Variants in CADM2 observed in about 807,000 individuals in gnomAD.
CADM2 encodes immunoglobulin superfamily member 4D.
Under a neutral mutation model 49.8 loss-of-function variants are expected in CADM2, and 12 were observed. The ratio of observed to expected loss-of-function variants is 0.24; its 90% CI spans 0.15 to 0.39. The LOEUF is 0.39. Ranked by LOEUF, CADM2 falls within the 10% of genes least tolerant of loss-of-function variation. The pLI, the probability that CADM2 is intolerant of heterozygous loss-of-function variation, is 1.00. For missense variants in CADM2, 378 were observed against 492.3 expected, an observed-to-expected ratio of 0.77 and a Z score of 2.20; for synonymous variants, 214 against 175.4, an observed-to-expected ratio of 1.22 and a Z score of -1.74.
chr3:85,058,454 A>C (rs565309428), intron 1 of CADM2, among the ~76,000 whole-genome samples: 51 of 149,740 alleles, frequency 3.4e-4, no homozygotes, highest in East Asian at 2.4e-3. Flanking sequence ...TTCTTTTTTT[A>C]TTTTTTTGAG....
intron 1 of CADM2, among the ~76,000 whole-genome samples, chr3:85,515,636 T>A (rs1289783592): frequency 2.0e-4 from 29 of 143,208 alleles, no homozygotes; most frequent in African/African-American, 6.1e-4. Flanking sequence ...TATATATTTT[T>A]TTTTTTTGTA....
At chr3:85,423,740 C>A (rs144645133) in intron 1 of CADM2, among the ~76,000 whole-genome samples, 1 of 152,116 alleles carries the variant, frequency 6.6e-6, no homozygotes, top group Non-Finnish European at 1.5e-5. Flanking sequence ...ACAGCATGCA[C>A]GTCTCATTGC....
At chr3:85,861,829 C>A (rs1183297658) in intron 3 of CADM2, among the ~76,000 whole-genome samples, 3 of 151,510 alleles carry the variant, frequency 2.0e-5, no homozygotes, top group Admixed American at 6.6e-5. Flanking sequence ...ATTTATATTT[C>A]TTTTAATAAG....
At chr3:85,884,607 G>A (rs1045866199) in intron 4 of CADM2, among the ~76,000 whole-genome samples, 19 of 152,018 alleles carry the variant, frequency 1.2e-4, no homozygotes, top group Non-Finnish European at 1.9e-4. Context: ...AAGAAAGCAG[G>A]TAGTATGTAG....
At chr3:85,829,656 G>C (rs11920214) in intron 3 of CADM2, among the ~76,000 whole-genome samples, 1 of 151,788 alleles carries the variant, frequency 6.6e-6, no homozygotes, top group African/African-American at 2.4e-5. Flanking sequence ...TCTATTCTTT[G>C]ACTGACATTT....
intron 1 of CADM2, among the ~76,000 whole-genome samples, chr3:85,311,920 T>C (rs78556415): frequency 0.023 from 3,516 of 152,292 alleles, 148 homozygotes; most frequent in African/African-American, 0.079. Flanking sequence ...GTTTCACAAA[T>C]GTGACTATGT....
chr3:85,236,938 C>T (rs1466435317), intron 1 of CADM2, among the ~76,000 whole-genome samples: 2 of 152,040 alleles, frequency 1.3e-5, no homozygotes, highest in Admixed American at 1.3e-4. Flanking sequence ...ACTCTGTGCA[C>T]CTCCAGATAC....
At chr3:85,372,891 A>G (rs974016885) in intron 1 of CADM2, among the ~76,000 whole-genome samples, 5 of 152,094 alleles carry the variant, frequency 3.3e-5, no homozygotes, top group African/African-American at 1.2e-4. Context: ...TGAGAACAGC[A>G]TGGGAGAAAC....
chr3:85,143,844 C>T (rs9859421), intron 1 of CADM2, among the ~76,000 whole-genome samples: 14 of 152,100 alleles, frequency 9.2e-5, no homozygotes, highest in African/African-American at 3.1e-4. Context: ...CATAGCATGC[C>T]GTTCCATGGC....
chr3:85,381,087 T>G (rs2107354176), intron 1 of CADM2, among the ~76,000 whole-genome samples: 1 of 152,184 alleles, frequency 6.6e-6, no homozygotes, highest in East Asian at 1.9e-4. Flanking sequence ...CCCATGTATT[T>G]TATCCGATAT....
chr3:85,819,595 A>G (rs1250943067), intron 3 of CADM2, among the ~76,000 whole-genome samples: 1 of 152,180 alleles, frequency 6.6e-6, no homozygotes, highest in African/African-American at 2.4e-5. Context: ...CATTTATGGT[A>G]GAGAAGGTGT....
intron 1 of CADM2, among the ~76,000 whole-genome samples, chr3:85,661,942 T>A (rs2065421399): frequency 6.6e-6 from 1 of 152,108 alleles, no homozygotes; most frequent in South Asian, 2.1e-4. Flanking sequence ...TGCCATTGTA[T>A]GTTATTATTC....
chr3:85,462,393 G>T (rs1390317622), intron 1 of CADM2, among the ~76,000 whole-genome samples: 1 of 152,104 alleles, frequency 6.6e-6, no homozygotes, highest in African/African-American at 2.4e-5. Context: ...ATTTCTTGAG[G>T]TACATTATGA....
intron 1 of CADM2, among the ~76,000 whole-genome samples, chr3:85,433,021 G>T (rs993042801): frequency 6.6e-6 from 1 of 151,808 alleles, no homozygotes; most frequent in Non-Finnish European, 1.5e-5. Flanking sequence ...AAATATTTGT[G>T]GTACATTTCA....
rs369574689 is a variant in CADM2, at chr3:85,319,260, C to T, written c.61+359592C>T. 4.0e-4 allele frequency among the ~76,000 whole-genome samples: 61 copies of T among 152,208 alleles called. 1 individual carries two copies. Among genetic ancestry groups the T allele is most frequent in the East Asian group, 3.5e-3 (18 of 5,172 alleles). On this transcript the variant is annotated intron_variant, in intron 1 of 9. Coordinates refer to ENST00000383699, the MANE Select transcript of CADM2 (RefSeq NM_001167675.2). Reference sequence around the variant, plus strand: ...GTCACAATGAAATACCATCTCAACACCAGTCCGAATGGCTATTAAAAAGTC... The same window carrying T: ...GTCACAATGAAATACCATCTCAACATCAGTCCGAATGGCTATTAAAAAGTC...
intron 1 of CADM2, among the ~76,000 whole-genome samples, chr3:85,362,709 G>T (rs892142836): frequency 2.0e-5 from 3 of 152,174 alleles, no homozygotes; most frequent in African/African-American, 7.2e-5. Flanking sequence ...CAAATAGGTA[G>T]ATTGGAACTT....
intron 1 of CADM2, among the ~76,000 whole-genome samples, chr3:85,468,537 A>T (rs1346139656): frequency 6.6e-6 from 1 of 152,106 alleles, no homozygotes; most frequent in Non-Finnish European, 1.5e-5. Flanking sequence ...ATTTATTTCA[A>T]TGTTTAATGT....
At chr3:84,966,887 T>A (rs532157530) in intron 1 of CADM2, among the ~76,000 whole-genome samples, 8 of 152,046 alleles carry the variant, frequency 5.3e-5, no homozygotes, top group Non-Finnish European at 1.2e-4. Context: ...TAAATACTGA[T>A]GTCATTAGGC....
Position 85,158,206 on chromosome 3 carries a change from G to A in CADM2, c.61+198538G>A, listed in dbSNP as rs969089568. Among the ~76,000 whole-genome samples the A allele has an allele frequency of 1.6e-4, 25 of 152,170 alleles. 1 individual carries two copies. Among genetic ancestry groups the A allele is most frequent in the Non-Finnish European group, 1.6e-4 (11 of 68,028 alleles). The stretch of plus-strand genomic sequence containing the variant: ...TCAGGAAACAACAGGTGCTGGAGAG[G>A]ATATGGAGAAATAGGAACACTTTTA... On this transcript the variant is annotated intron_variant, in intron 1 of 9. Coordinates refer to ENST00000383699, the MANE Select transcript of CADM2 (RefSeq NM_001167675.2).
Sources: gnomAD v4.1 joint callset for allele counts (sites outside exome capture counted in the v4.1 genomes callset) on GRCh38, gnomAD v4.1.1 for gene constraint, MANE v1.5 for transcripts, NCBI Gene and HGNC (gene_info 2026-07-23, HGNC 2026-07-21) for gene names.